Variants in RBBP5 observed in about 807,000 individuals in gnomAD.
The protein encoded by RBBP5 is RB binding protein 5, histone lysine methyltransferase complex subunit.
Under a neutral mutation model 72.2 loss-of-function variants are expected in RBBP5, and 5 were observed. That is an observed-to-expected ratio of 0.07 (90% CI 0.04 to 0.15). The LOEUF is 0.15. Ranked by LOEUF, RBBP5 falls within the 10% of genes least tolerant of loss-of-function variation. The pLI is 1.00. For missense variants in RBBP5, 322 were observed against 652.2 expected, an observed-to-expected ratio of 0.49 and a Z score of 5.51; for synonymous variants, 209 against 237.2, an observed-to-expected ratio of 0.88 and a Z score of 1.09.
intron 5 of RBBP5, among the ~76,000 whole-genome samples, chr1:205,102,578 A>G (rs556199248): frequency 6.6e-6 from 1 of 152,340 alleles, no homozygotes; most frequent in Admixed American, 6.5e-5. Flanking sequence ...AGATTTCTAA[A>G]GATGGATGGT....
rs1485096066 is a variant in RBBP5, at chr1:205,087,946, T to C, written c.*841A>G. On this transcript the variant is annotated 3_prime_UTR_variant, in exon 14 of 14. Coordinates refer to ENST00000264515, the MANE Select transcript of RBBP5 (RefSeq NM_005057.4). The stretch of plus-strand genomic sequence containing the variant: ...GGTTTTACTTTACTCCTTGCATAGA[T>C]TCCCCCACCCCAGTAAAAAAGTAGC... The C allele has an allele frequency of 6.6e-6, 1 of 152,622 alleles. No homozygotes were observed. Among genetic ancestry groups the C allele is most frequent in the Non-Finnish European group, 1.5e-5 (1 of 68,046 alleles). 9.5% of individuals were successfully genotyped at this position (152,622 alleles called of 1,614,324 possible).
At chr1:205,103,709 A>T in intron 5 of RBBP5, 148 bp downstream of exon 5, 2 of 919,898 alleles carry the variant, frequency 2.2e-6, no homozygotes, top group Non-Finnish European at 3.2e-6. Context: ...AATTATTATT[A>T]AGAGATGGAA....
At chr1:205,111,221 T>C (rs1018023045) in intron 3 of RBBP5, among the ~76,000 whole-genome samples, 3 of 152,228 alleles carry the variant, frequency 2.0e-5, no homozygotes, top group African/African-American at 7.2e-5. Context: ...TAATGAGAAC[T>C]CATAGACCAA....
intron 5 of RBBP5, among the ~76,000 whole-genome samples, chr1:205,103,174 G>C (rs990410400): frequency 7.2e-6 from 1 of 137,956 alleles, no homozygotes; most frequent in Admixed American, 8.0e-5. Flanking sequence ...GCAGTGAGCC[G>C]AGATCATGCA....
rs3179299 is a variant in RBBP5, at chr1:205,086,386, G to A, written c.*2401C>T. Reference sequence around the variant, plus strand: ...CGAGTAGCTAGGATTACAGGTGCCCGCCACCACGCCCAGCTAATTTTTGTA... The same window carrying A: ...CGAGTAGCTAGGATTACAGGTGCCCACCACCACGCCCAGCTAATTTTTGTA... On this transcript the variant is annotated 3_prime_UTR_variant, in exon 14 of 14. Transcript: ENST00000264515. 3,566 of 151,888 alleles carry A rather than the reference G, an allele frequency of 0.023. 54 individuals are homozygous for A. Among genetic ancestry groups the A allele is most frequent in the East Asian group, 0.065 (334 of 5,132 alleles). 9.4% of individuals were successfully genotyped at this position (151,888 alleles called of 1,614,324 possible).
At chr1:205,093,423 C>T (rs551728186) in intron 13 of RBBP5, among the ~76,000 whole-genome samples, 1 of 131,858 alleles carries the variant, frequency 7.6e-6, no homozygotes, top group Non-Finnish European at 1.6e-5. Flanking sequence ...CGCACCACTG[C>T]AATTCAGCCT....
Position 205,099,871 on chromosome 1 carries a change from GATTATGTGACTA to G in RBBP5, c.906+28_906+39del. 6.2e-7 allele frequency: 1 copy of G among 1,613,416 alleles called. No homozygotes were observed. Among genetic ancestry groups the G allele is most frequent in the Non-Finnish European group, 8.5e-7 (1 of 1,179,578 alleles). ...TTAAGAACAGATTTTAGATTTTTTG[GATTATGTGACTA>G]ACAAAAGCAATGTCCTAATGTACTC... On this transcript the variant is annotated intron_variant, in intron 8 of 13. Transcript: ENST00000264515. This position sits in a 1 kb window ranked among gnomAD's most constrained non-coding sequence, Gnocchi z 4.7.
intron 1 of RBBP5, among the ~76,000 whole-genome samples, chr1:205,120,346 C>G (rs1174562733): frequency 1.3e-5 from 2 of 152,172 alleles, no homozygotes; most frequent in Non-Finnish European, 2.9e-5. Flanking sequence ...TTGAGCTAGG[C>G]ATTCGAGAAC....
Position 205,099,134 on chromosome 1 carries a change from A to G in RBBP5, c.979-28T>C, listed in dbSNP as rs1460111440. 1 of 1,351,742 alleles carries G rather than the reference A, an allele frequency of 7.4e-7. No homozygotes were observed. The highest frequency in any genetic ancestry group is 1.0e-6 in the Non-Finnish European group (1 of 967,978). 83.7% of individuals were successfully genotyped at this position (1,351,742 alleles called of 1,614,324 possible). On this transcript the variant is annotated intron_variant, in intron 9 of 13. Transcript: ENST00000264515. The surrounding 1 kb of genome is among the most constrained non-coding windows in gnomAD (Gnocchi z 4.7). ...ATACAACAAGATATACTACTTAACCATATGTGAAAGCAATAATCTGTAATC... is the reference window on the plus strand; with the variant it reads ...ATACAACAAGATATACTACTTAACCGTATGTGAAAGCAATAATCTGTAATC...
intron 3 of RBBP5, among the ~76,000 whole-genome samples, chr1:205,114,396 T>C (rs1041051455): frequency 2.0e-5 from 3 of 152,238 alleles, no homozygotes; most frequent in Admixed American, 6.5e-5. Context: ...ATTGAAGGAA[T>C]AGTCATACTT....
chr1:205,094,724 C>G (rs1655544443), intron 13 of RBBP5, 149 bp downstream of exon 13: 4 of 900,242 alleles, frequency 4.4e-6, no homozygotes, highest in Admixed American at 5.8e-5. Context: ...TTAGCCTGCC[C>G]TTAGCAGCAG....
intron 1 of RBBP5, among the ~76,000 whole-genome samples, chr1:205,118,343 G>A (rs529009278): frequency 5.9e-5 from 9 of 152,170 alleles, no homozygotes; most frequent in South Asian, 2.1e-4. Flanking sequence ...CAGGTGCAGC[G>A]GCTCACGCCT....
chr1:205,100,115 T>C, intron 7 of RBBP5, 37 bp downstream of exon 7: 1 of 1,614,156 alleles, frequency 6.2e-7, no homozygotes, highest in South Asian at 1.1e-5. Context: ...GCCCAGGTCA[T>C]GAATGATCAC....
chr1:205,089,661 T>G (rs1222697326), intron 13 of RBBP5, among the ~76,000 whole-genome samples: 1 of 152,194 alleles, frequency 6.6e-6, no homozygotes, highest in Non-Finnish European at 1.5e-5. Flanking sequence ...TAAAAATATA[T>G]TCACATGTGC....
chr1:205,117,701 G>A (rs1350135458), intron 1 of RBBP5, among the ~76,000 whole-genome samples: 1 of 151,856 alleles, frequency 6.6e-6, no homozygotes, highest in Non-Finnish European at 1.5e-5. Context: ...ATAAACAAAT[G>A]TATGTGTAAG....
At chr1:205,110,344 A>G (rs923327395) in intron 3 of RBBP5, among the ~76,000 whole-genome samples, 8 of 152,052 alleles carry the variant, frequency 5.3e-5, no homozygotes, top group Non-Finnish European at 1.0e-4. Flanking sequence ...CTGCTTCTAC[A>G]TCCTGGGCCA....
chr1:205,118,480 G>A (rs1656614231), intron 1 of RBBP5, among the ~76,000 whole-genome samples: 1 of 152,026 alleles, frequency 6.6e-6, no homozygotes, highest in African/African-American at 2.4e-5. Flanking sequence ...GGGCATGGTG[G>A]CACACGCCTG....
intron 1 of RBBP5, 126 bp from the exon 2 acceptor site, chr1:205,116,009 C>G: frequency 6.3e-7 from 1 of 1,589,174 alleles, no homozygotes; most frequent in South Asian, 1.1e-5. Flanking sequence ...TTCAGGCATT[C>G]CATGAGGCCA....
In RBBP5 at chr1:205,086,984, A is replaced by G. The variant is rs916911846; in HGVS notation, c.*1803T>C. 1.3e-5 allele frequency: 2 copies of G among 152,246 alleles called. No individual in the cohort carries two copies. The highest frequency in any genetic ancestry group is 4.8e-5 in the African/African-American group (2 of 41,446). The allele number at this position is 152,246 out of a possible 1,614,324, so 9.4% of individuals were successfully genotyped here. On this transcript the variant is annotated 3_prime_UTR_variant, in exon 14 of 14. Transcript: ENST00000264515. ...CTAACTCATGACAGTCTCAAAATGA[A>G]TATTTAAGAAAAAAGTAGTGGCATC...
Sources: gnomAD v4.1 joint callset for allele counts (sites outside exome capture counted in the v4.1 genomes callset) on GRCh38, gnomAD v4.1.1 for gene constraint, Gnocchi (gnomAD v3.1) non-coding constraint, MANE v1.5 for transcripts, NCBI Gene and HGNC (gene_info 2026-07-23, HGNC 2026-07-21) for gene names.